The following NEGR1 variants were observed in gnomAD, a reference collection of about 807,000 sequenced individuals.
The protein encoded by NEGR1 is neuronal growth regulator 1.
NEGR1 carries 10 observed loss-of-function variants against 40.9 expected under a neutral mutation model. The ratio of observed to expected loss-of-function variants is 0.24; its 90% CI spans 0.15 to 0.42. The LOEUF is 0.42. Ranked by LOEUF, NEGR1 falls within the 10% of genes least tolerant of loss-of-function variation. The pLI is 1.00. For missense variants in NEGR1, 352 were observed against 438.9 expected (o/e 0.80, Z 1.77); for synonymous variants, 185 against 166.8 (o/e 1.11, Z -0.84).
At chr1:71,848,610 A>T (rs1459133328) in intron 2 of NEGR1, among the ~76,000 whole-genome samples, 1 of 152,198 alleles carries the variant, frequency 6.6e-6, no homozygotes, top group Non-Finnish European at 1.5e-5. Flanking sequence ...GTTGAGGCCT[A>T]CTGTTCAGAA....
chr1:71,729,585 G>A (rs1214321550), intron 3 of NEGR1, among the ~76,000 whole-genome samples: 1 of 152,018 alleles, frequency 6.6e-6, no homozygotes, highest in African/African-American at 2.4e-5. Context: ...TAAGAGATTT[G>A]CATTGGTAAA....
intron 2 of NEGR1, among the ~76,000 whole-genome samples, chr1:71,930,018 G>A (rs1380669910): frequency 6.6e-6 from 1 of 152,050 alleles, no homozygotes; most frequent in African/African-American, 2.4e-5. Context: ...CCTATTCAAC[G>A]ACTAATTGGG....
intron 4 of NEGR1, among the ~76,000 whole-genome samples, chr1:71,615,470 C>A (rs1326006277): frequency 2.0e-5 from 3 of 152,146 alleles, no homozygotes; most frequent in Non-Finnish European, 4.4e-5. Flanking sequence ...GAAAAGGAAT[C>A]ATTTGGCAAT....
chr1:72,113,916 C>T (rs1451352089), intron 1 of NEGR1, among the ~76,000 whole-genome samples: 1 of 151,700 alleles, frequency 6.6e-6, no homozygotes, highest in Non-Finnish European at 1.5e-5. Flanking sequence ...GTTGCTGTTT[C>T]TTATACTTTT....
intron 1 of NEGR1, among the ~76,000 whole-genome samples, chr1:72,216,400 TAC>T (rs1491045162): frequency 1.6e-5 from 2 of 121,946 alleles, no homozygotes; most frequent in African/African-American, 7.0e-5. Context: ...TATATATATA[TAC>T]ATATATATAT....
chr1:72,051,086 T>C (rs547937289), intron 1 of NEGR1, among the ~76,000 whole-genome samples: 1 of 151,644 alleles, frequency 6.6e-6, no homozygotes, highest in East Asian at 1.9e-4. Context: ...ATTTTGCCTT[T>C]GCTTGTTATG....
intron 1 of NEGR1, among the ~76,000 whole-genome samples, chr1:72,102,935 A>G (rs1648999175): frequency 6.6e-6 from 1 of 152,088 alleles, no homozygotes; most frequent in Admixed American, 6.6e-5. Flanking sequence ...CGGAATGGCA[A>G]TTGCTTTTGA....
chr1:71,520,787 G>A (rs1045062261), intron 6 of NEGR1, among the ~76,000 whole-genome samples: 2 of 151,962 alleles, frequency 1.3e-5, no homozygotes, highest in African/African-American at 4.8e-5. Flanking sequence ...GGCTGGGGCA[G>A]GGAAAGACAA....
intron 6 of NEGR1, among the ~76,000 whole-genome samples, chr1:71,589,612 T>C (rs2101516928): frequency 6.6e-6 from 1 of 152,284 alleles, no homozygotes; most frequent in Non-Finnish European, 1.5e-5. Context: ...TCATGCAAAC[T>C]AAACATTAGC....
intron 1 of NEGR1, among the ~76,000 whole-genome samples, chr1:72,182,118 AG>A (rs1373566776): frequency 6.6e-6 from 1 of 152,222 alleles, no homozygotes; most frequent in African/African-American, 2.4e-5. Context: ...AACTTGCTTT[AG>A]TATAGTAAGC....
At chr1:71,588,013 T>G (rs935409627) in intron 6 of NEGR1, among the ~76,000 whole-genome samples, 1 of 152,276 alleles carries the variant, frequency 6.6e-6, no homozygotes, top group Admixed American at 6.5e-5. Flanking sequence ...AATACGTGTC[T>G]TATAATAAAT....
At chr1:72,059,726 T>A (rs1028273603) in intron 1 of NEGR1, among the ~76,000 whole-genome samples, 16 of 151,686 alleles carry the variant, frequency 1.1e-4, no homozygotes, top group Admixed American at 9.9e-4. Context: ...TCAGCTTTAG[T>A]CTCCTGCATA....
chr1:71,629,180 CAT>C (rs1448322661), intron 4 of NEGR1, among the ~76,000 whole-genome samples: 15 of 151,604 alleles, frequency 9.9e-5, no homozygotes, highest in Non-Finnish European at 1.6e-4. Context: ...AGCTTTTTTT[CAT>C]ATGTTTGTTG....
chr1:71,720,357 C>T lies in NEGR1; in HGVS notation c.536-22218G>A, dbSNP rs375751084. On this transcript the variant is annotated intron_variant, in intron 3 of 6. Transcript: ENST00000357731. ...GCCATAAGTGCCTGTGTCTATATAGCTAAGTTAGTAGTGTACCAACGAGCC... is the reference window on the plus strand; with the variant it reads ...GCCATAAGTGCCTGTGTCTATATAGTTAAGTTAGTAGTGTACCAACGAGCC... Among the ~76,000 whole-genome samples the T allele has an allele frequency of 1.4e-3, 207 of 152,204 alleles. 1 individual carries two copies. Among genetic ancestry groups the T allele is most frequent in the African/African-American group, 4.7e-3 (195 of 41,528 alleles).
chr1:71,956,354 T>C (rs897391302), intron 1 of NEGR1, among the ~76,000 whole-genome samples: 3 of 152,156 alleles, frequency 2.0e-5, no homozygotes, highest in African/African-American at 7.2e-5. Flanking sequence ...TATTCAACTT[T>C]ATTAGAGGAA....
intron 4 of NEGR1, among the ~76,000 whole-genome samples, chr1:71,651,982 T>TAGTATAATTCCAGGAATTATACTAA (rs1651733565): frequency 6.6e-6 from 1 of 152,208 alleles, no homozygotes; most frequent in Non-Finnish European, 1.5e-5. Context: ...CTAAATGTTT[T>TAGTATAATTCCAGGAATTATACTAA]ATGCCAACTC....
At chr1:71,886,557 T>G (rs1012831469) in intron 2 of NEGR1, among the ~76,000 whole-genome samples, 3 of 151,936 alleles carry the variant, frequency 2.0e-5, no homozygotes, top group Non-Finnish European at 2.9e-5. Flanking sequence ...ACCAGGTGAA[T>G]TATTTATTCG....
chr1:71,686,703 C>A (rs929662068), intron 4 of NEGR1, among the ~76,000 whole-genome samples: 6 of 152,244 alleles, frequency 3.9e-5, no homozygotes, highest in South Asian at 2.1e-4. Context: ...TACCTTTACC[C>A]CATTGAATAA....
chr1:72,123,337 A>G (rs192572224), intron 1 of NEGR1, among the ~76,000 whole-genome samples: 151 of 152,026 alleles, frequency 9.9e-4, no homozygotes, highest in African/African-American at 3.6e-3. Flanking sequence ...ACTGTATATA[A>G]CATGTAGAAA....
Sources: allele counts gnomAD v4.1 joint callset (sites outside exome capture counted in the v4.1 genomes callset), GRCh38; gene constraint gnomAD v4.1.1; transcripts MANE v1.5; gene names NCBI Gene and HGNC (gene_info 2026-07-23, HGNC 2026-07-21).